TMEM132D: variants seen among roughly 807,000 people sequenced by gnomAD.
TMEM132D encodes mature OL transmembrane protein.
Under a neutral mutation model 62.3 loss-of-function variants are expected in TMEM132D, and 21 were observed. The observed-to-expected ratio is 0.34, with a 90% CI of 0.24 to 0.49. The LOEUF (loss-of-function observed/expected upper bound fraction) is 0.49. Ranked by LOEUF, TMEM132D falls within the 20% of genes least tolerant of loss-of-function variation. The pLI is 0.99. For missense variants in TMEM132D, 1,346 were observed against 1,402.8 expected (o/e 0.96, Z 0.65); for synonymous variants, 621 against 575.6 (o/e 1.08, Z -1.13).
intron 3 of TMEM132D, among the ~76,000 whole-genome samples, chr12:129,387,959 C>T (rs11060299): frequency 1.4e-3 from 71 of 49,098 alleles, no homozygotes; most frequent in Admixed American, 1.9e-3. Context: ...CCAGCACTGA[C>T]AATAATATGA....
intron 2 of TMEM132D, among the ~76,000 whole-genome samples, chr12:129,583,105 G>C (rs1354200541): frequency 6.6e-6 from 1 of 152,202 alleles, no homozygotes; most frequent in Non-Finnish European, 1.5e-5. Context: ...ACTGTGCCCA[G>C]CCCTGAGACT....
intron 2 of TMEM132D, among the ~76,000 whole-genome samples, chr12:129,591,502 G>A (rs1241322134): frequency 6.7e-6 from 1 of 149,618 alleles, no homozygotes; most frequent in Non-Finnish European, 1.5e-5. Flanking sequence ...AATGGATTCT[G>A]TCATTCAATC....
chr12:129,186,441 GC>G (rs1041172954), intron 5 of TMEM132D, among the ~76,000 whole-genome samples: 7 of 152,154 alleles, frequency 4.6e-5, no homozygotes, highest in African/African-American at 1.7e-4. Flanking sequence ...AGAAGAGGGG[GC>G]CCAGGCTTTA....
At position 129,900,876 on chromosome 12, in the gene TMEM132D, T is replaced by C. The variant is rs141187408; in HGVS notation, c.79+2385A>G. ...CGTGTGTCATACCATACTTCCTAGG[T>C]CCCAGGGGCATAGAAATACAAGCAA... is the stretch of plus-strand genomic sequence containing the variant. On this transcript the variant is annotated intron_variant, in intron 1 of 8. Transcript: ENST00000422113. Among the ~76,000 whole-genome samples the C allele has an allele frequency of 8.1e-4, 124 of 152,292 alleles. 1 individual carries two copies. The highest frequency in any genetic ancestry group is 2.7e-3 in the African/African-American group (114 of 41,572).
rs189932219 is a variant in TMEM132D at position 129,724,947 on chromosome 12, G to A, written c.80-24249C>T. On this transcript the variant is annotated intron_variant, in intron 1 of 8. Transcript: ENST00000422113. ...CCTCCAGCTAGGTTGGGGATCATGT[G>A]CCTCACTTCTAATCAATGAGCTATT... Among the ~76,000 whole-genome samples the A allele has an allele frequency of 1.3e-4, 20 of 152,340 alleles. No individual in the cohort carries two copies. In the East Asian group the frequency reaches 3.3e-3, roughly 25 times the overall value.
chr12:129,221,852 G>A (rs1311320508), intron 4 of TMEM132D, among the ~76,000 whole-genome samples: 3 of 152,168 alleles, frequency 2.0e-5, no homozygotes, highest in Non-Finnish European at 2.9e-5. Context: ...ATGATGGGCT[G>A]TGGGTTTTTT....
chr12:129,649,332 A>G (rs1286626230), intron 2 of TMEM132D, among the ~76,000 whole-genome samples: 1 of 152,134 alleles, frequency 6.6e-6, no homozygotes, highest in Admixed American at 6.6e-5. Flanking sequence ...GTACAGAAAA[A>G]CTTGGAATTG....
At chr12:129,436,480 G>A (rs576680094) in intron 3 of TMEM132D, among the ~76,000 whole-genome samples, 36 of 152,278 alleles carry the variant, frequency 2.4e-4, no homozygotes, top group Non-Finnish European at 4.7e-4. Flanking sequence ...GTGGTGTGAG[G>A]CAGCTGGGTG....
At chr12:129,805,262 G>A (rs1164126563) in intron 1 of TMEM132D, among the ~76,000 whole-genome samples, 2 of 152,038 alleles carry the variant, frequency 1.3e-5, no homozygotes, top group Non-Finnish European at 2.9e-5. Flanking sequence ...GAACAAAGCT[G>A]GAGCCATCAT....
intron 4 of TMEM132D, among the ~76,000 whole-genome samples, chr12:129,259,862 C>T (rs747556405): frequency 3.3e-5 from 5 of 152,118 alleles, no homozygotes; most frequent in Non-Finnish European, 7.3e-5. Flanking sequence ...TGTAATTTGA[C>T]TTGAGCAATG....
chr12:129,663,946 G>GA (rs5801874), intron 2 of TMEM132D, among the ~76,000 whole-genome samples: 8,467 of 151,374 alleles, frequency 0.056, 294 homozygotes, highest in Middle Eastern at 0.12. Flanking sequence ...CTCAAATTAG[G>GA]AAAAACAAAA....
chr12:129,707,478 C>T (rs1441360885), intron 1 of TMEM132D, among the ~76,000 whole-genome samples: 1 of 152,014 alleles, frequency 6.6e-6, no homozygotes, highest in African/African-American at 2.4e-5. Context: ...AAAAGACACA[C>T]AGTAGCATAG....
chr12:129,086,199 CGCGT>C (rs113812301), intron 5 of TMEM132D, among the ~76,000 whole-genome samples: 5,338 of 116,018 alleles, frequency 0.046, 252 homozygotes, highest in African/African-American at 0.14. Context: ...GTCACGCGCG[CGCGT>C]GTGTGTGTGT....
chr12:129,213,944 C>A (rs562514171), intron 4 of TMEM132D, among the ~76,000 whole-genome samples: 57 of 152,304 alleles, frequency 3.7e-4, no homozygotes, highest in African/African-American at 1.2e-3. Flanking sequence ...TATTTCCCTG[C>A]AGGGGATTTC....
intron 2 of TMEM132D, among the ~76,000 whole-genome samples, chr12:129,596,801 C>T (rs975024565): frequency 2.6e-5 from 4 of 151,650 alleles, no homozygotes; most frequent in African/African-American, 9.7e-5. Flanking sequence ...TTTGAATGTA[C>T]CCATCACCCC....
chr12:129,784,016 G>C (rs1300040850), intron 1 of TMEM132D, among the ~76,000 whole-genome samples: 2 of 152,170 alleles, frequency 1.3e-5, no homozygotes, highest in African/African-American at 4.8e-5. Flanking sequence ...TGAAATCCTA[G>C]ATGATTCAAG....
At chr12:129,331,699 T>C (rs1869110681) in intron 4 of TMEM132D, among the ~76,000 whole-genome samples, 1 of 152,348 alleles carries the variant, frequency 6.6e-6, no homozygotes, top group South Asian at 2.1e-4. Context: ...CTTGTAACTA[T>C]GTTTTAAAGG....
At chr12:129,216,808 G>C (rs1879215429) in intron 4 of TMEM132D, among the ~76,000 whole-genome samples, 1 of 152,214 alleles carries the variant, frequency 6.6e-6, no homozygotes, top group South Asian at 2.1e-4. Flanking sequence ...TTTGCAGAGA[G>C]AATTAAGAGC....
intron 3 of TMEM132D, among the ~76,000 whole-genome samples, chr12:129,528,397 G>T (rs1437197355): frequency 7.0e-6 from 1 of 143,408 alleles, no homozygotes; most frequent in Admixed American, 7.2e-5. Flanking sequence ...TTTAGTTGCA[G>T]ATGTCTTATG....
Sources: allele counts gnomAD v4.1 joint callset (sites outside exome capture counted in the v4.1 genomes callset), GRCh38; gene constraint gnomAD v4.1.1; transcripts MANE v1.5; gene names NCBI Gene and HGNC (gene_info 2026-07-23, HGNC 2026-07-21).